The following VPS13B variants were observed in gnomAD, a reference collection of about 807,000 sequenced individuals.
VPS13B encodes the protein vacuolar protein sorting 13 homolog B, also known as intermembrane lipid transfer protein VPS13B.
In VPS13B, 285 loss-of-function variants were observed where a neutral mutation model predicts 426.4. The observed-to-expected ratio is 0.67, with a 90% confidence interval of 0.61 to 0.74. VPS13B has a LOEUF of 0.74. Among genes scored for constraint, VPS13B ranks in the 30% least tolerant of loss-of-function variants. The probability of loss-of-function intolerance (pLI) is 0.00; values close to 1 mark genes in which losing one functional copy is unlikely to be tolerated. For synonymous variants in VPS13B, 1,676 were observed against 1,676.4 expected, an observed-to-expected ratio of 1.00 and a Z score of 0.01; for missense variants, 4,537 against 4,782.6, an observed-to-expected ratio of 0.95 and a Z score of 1.51.
intron 15 of VPS13B, among the ~76,000 whole-genome samples, chr8:99,163,848 C>T (rs916261795): frequency 1.3e-5 from 2 of 152,214 alleles, no homozygotes; most frequent in Admixed American, 6.5e-5. Flanking sequence ...GGGGCTCCCA[C>T]AGTGCAGTGG....
At chr8:99,360,977 C>T (rs1378176181) in intron 19 of VPS13B, among the ~76,000 whole-genome samples, 2 of 152,136 alleles carry the variant, frequency 1.3e-5, no homozygotes, top group Non-Finnish European at 2.9e-5. Flanking sequence ...CCGTTCTTTT[C>T]TGTTCTCTTT....
chr8:99,567,467 G>C (rs1352347349), intron 31 of VPS13B, among the ~76,000 whole-genome samples: 1 of 140,534 alleles, frequency 7.1e-6, no homozygotes, highest in Non-Finnish European at 1.5e-5. Flanking sequence ...TGGCAGGAAA[G>C]TTTTTGTTGG....
At chr8:99,612,828 G>A (rs563407779) in intron 33 of VPS13B, among the ~76,000 whole-genome samples, 157 of 152,254 alleles carry the variant, frequency 1.0e-3, no homozygotes, top group African/African-American at 3.6e-3. Flanking sequence ...TCAGACAAAT[G>A]TGGATAGTCA....
At chr8:99,219,129 C>T (rs1815543919) in intron 17 of VPS13B, among the ~76,000 whole-genome samples, 1 of 152,136 alleles carries the variant, frequency 6.6e-6, no homozygotes, top group African/African-American at 2.4e-5. Context: ...AAATCTGCCA[C>T]TCTGGTTTTC....
At chr8:99,066,439 G>A (rs1306631584) in intron 3 of VPS13B, among the ~76,000 whole-genome samples, 2 of 152,112 alleles carry the variant, frequency 1.3e-5, no homozygotes, top group East Asian at 1.9e-4. Context: ...TGGGAAAACT[G>A]GCTAGCCATA....
chr8:99,778,792 A>G lies in VPS13B; in HGVS notation c.7540A>G (p.Asn2514Asp), dbSNP rs1811867927. The change falls in exon 42 of 62, where the codon AAT (asparagine) becomes GAT (aspartate). Residue 2514 changes from asparagine to aspartate, a missense_variant. By Grantham distance (23) the Asn-to-Asp change is conservative. Coordinates refer to ENST00000357162, the MANE Select transcript of VPS13B (RefSeq NM_152564.5). ...EPHMYLRQWN[N>D]GSVCQEIQFL... ...ACACATGTATCTTCGACAGTGGAATAATGGTTCTGTCTGTCAGGAGATCCA... is the reference window on the plus strand; with the variant it reads ...ACACATGTATCTTCGACAGTGGAATGATGGTTCTGTCTGTCAGGAGATCCA... The G allele has an allele frequency of 6.2e-7, 1 of 1,614,004 alleles. No individual in the cohort carries two copies. Among genetic ancestry groups the G allele is most frequent in the Non-Finnish European group, 8.5e-7 (1 of 1,179,906 alleles).
intron 39 of VPS13B, among the ~76,000 whole-genome samples, chr8:99,732,786 T>C (rs1298013590): frequency 6.6e-6 from 1 of 152,168 alleles, no homozygotes; most frequent in East Asian, 1.9e-4. Context: ...AAACAAAAAA[T>C]AATAATAAAT....
intron 23 of VPS13B, among the ~76,000 whole-genome samples, chr8:99,460,451 G>T (rs950886382): frequency 2.0e-5 from 3 of 151,970 alleles, no homozygotes; most frequent in African/African-American, 7.3e-5. Flanking sequence ...AATTATTGTT[G>T]TATATATTCA....
intron 20 of VPS13B, among the ~76,000 whole-genome samples, chr8:99,385,623 G>A (rs1814075259): frequency 6.6e-6 from 1 of 152,146 alleles, no homozygotes; most frequent in African/African-American, 2.4e-5. Flanking sequence ...CCCTCCCTCT[G>A]AGAGTATTTA....
chr8:99,686,320 C>T (rs1361377814), intron 35 of VPS13B, among the ~76,000 whole-genome samples: 1 of 152,112 alleles, frequency 6.6e-6, no homozygotes, highest in Non-Finnish European at 1.5e-5. Flanking sequence ...TACCCGAAGC[C>T]AACACAGCAC....
rs1819955249 is a variant in VPS13B at position 99,295,089 on chromosome 8, A to AT, written c.2824+19839dup. On this transcript the variant is annotated intron_variant, in intron 19 of 61. Transcript: ENST00000357162. The stretch of plus-strand genomic sequence containing the variant: ...TGCATTATGCTAGTGACATACTGAG[A>AT]TTTTACAGATAAAATAAGCAGTAGA... Among the ~76,000 whole-genome samples, 2 of 152,280 alleles carry AT rather than the reference A, an allele frequency of 1.3e-5. 1 individual carries two copies. The highest frequency in any genetic ancestry group is 4.1e-4 in the South Asian group (2 of 4,824).
intron 17 of VPS13B, among the ~76,000 whole-genome samples, chr8:99,263,629 T>G (rs1818163025): frequency 1.3e-5 from 2 of 152,190 alleles, no homozygotes; most frequent in Admixed American, 1.3e-4. Flanking sequence ...TGAGTGTGCA[T>G]CTGTCATCAC....
intron 30 of VPS13B, among the ~76,000 whole-genome samples, chr8:99,550,832 A>C (rs1824244865): frequency 6.6e-6 from 1 of 152,060 alleles, no homozygotes; most frequent in Non-Finnish European, 1.5e-5. Flanking sequence ...TTCTAAACAT[A>C]AGCAGTTTTG....
intron 35 of VPS13B, among the ~76,000 whole-genome samples, chr8:99,685,883 G>T (rs77579127): frequency 0.025 from 3,790 of 152,242 alleles, 163 homozygotes; most frequent in African/African-American, 0.087. Context: ...GGTCATGTTT[G>T]CCTGGATGGT....
intron 35 of VPS13B, among the ~76,000 whole-genome samples, chr8:99,669,253 A>G (rs1334911525): frequency 6.8e-6 from 1 of 147,738 alleles, no homozygotes; most frequent in Non-Finnish European, 1.5e-5. Context: ...GGATTCCTTA[A>G]CTTTGAAATG....
intron 19 of VPS13B, among the ~76,000 whole-genome samples, chr8:99,367,448 G>A (rs1391346396): frequency 6.6e-6 from 1 of 152,090 alleles, no homozygotes; most frequent in African/African-American, 2.4e-5. Context: ...ACTTTTAAGA[G>A]TTTGATTAAA....
At chr8:99,055,044 G>GTTTTTTTTTTTTT (rs397779213) in intron 3 of VPS13B, among the ~76,000 whole-genome samples, 5 of 141,888 alleles carry the variant, frequency 3.5e-5, no homozygotes, top group Non-Finnish European at 4.5e-5. Context: ...TTTTTTTTTT[G>GTTTTTTTTTTTTT]TTTTTTTTTT....
chr8:99,266,230 G>T (rs144909694), intron 17 of VPS13B, among the ~76,000 whole-genome samples: 1 of 151,788 alleles, frequency 6.6e-6, no homozygotes, highest in African/African-American at 2.4e-5. Context: ...GTTAGCCTGG[G>T]CACCATAGTG....
chr8:99,637,077 CAACTT>C (rs886584193), intron 33 of VPS13B, among the ~76,000 whole-genome samples: 6 of 152,028 alleles, frequency 3.9e-5, no homozygotes, highest in African/African-American at 1.4e-4. Flanking sequence ...CTATTTTTGA[CAACTT>C]AAATTATTAG....
Sources: gnomAD v4.1 joint callset for allele counts (sites outside exome capture counted in the v4.1 genomes callset) on GRCh38, gnomAD v4.1.1 for gene constraint, MANE v1.5 for transcripts, NCBI Gene and HGNC (gene_info 2026-07-23, HGNC 2026-07-21) for gene names.